Variants in CRYBG1 observed in about 807,000 individuals in gnomAD.
CRYBG1 encodes the protein beta/gamma crystallin domain-containing protein 1.
A neutral mutation model predicts 189.2 loss-of-function variants in CRYBG1; 139 were observed. That is an observed-to-expected ratio of 0.73 (90% CI 0.64 to 0.85). The LOEUF (loss-of-function observed/expected upper bound fraction) is 0.85. Ranked by LOEUF, CRYBG1 falls within the 40% of genes least tolerant of loss-of-function variation. The probability of loss-of-function intolerance (pLI) is 0.00; values close to 1 mark genes in which losing one functional copy is unlikely to be tolerated. For missense variants in CRYBG1, 2,611 were observed against 2,675.8 expected, an observed-to-expected ratio of 0.98 and a Z score of 0.53; for synonymous variants, 1,023 against 1,017.1, an observed-to-expected ratio of 1.01 and a Z score of -0.11.
At chr6:106,525,708 T>A (rs950272709) in intron 6 of CRYBG1, among the ~76,000 whole-genome samples, 1 of 152,170 alleles carries the variant, frequency 6.6e-6, no homozygotes, top group Non-Finnish European at 1.5e-5. Context: ...TGATGACCTT[T>A]AAATGAGGTT....
At chr6:106,568,374 C>T in intron 21 of CRYBG1, 98 bp from the exon 22 acceptor site, 2 of 953,764 alleles carry the variant, frequency 2.1e-6, no homozygotes, top group Non-Finnish European at 1.6e-6. Flanking sequence ...ACCTTGTTTA[C>T]TTGCTTACTT....
chr6:106,403,734 A>G (rs184742516), intron 1 of CRYBG1, among the ~76,000 whole-genome samples: 12 of 152,352 alleles, frequency 7.9e-5, no homozygotes, highest in Non-Finnish European at 1.3e-4. Context: ...GGTCAAAATC[A>G]GTATGACTCA....
At chr6:106,482,700 G>A (rs1287176904) in intron 2 of CRYBG1, among the ~76,000 whole-genome samples, 1 of 152,076 alleles carries the variant, frequency 6.6e-6, no homozygotes, top group Non-Finnish European at 1.5e-5. Flanking sequence ...GCATGAACCG[G>A]GGAGACAGAG....
At chr6:106,478,501 A>G (rs921056859) in intron 2 of CRYBG1, among the ~76,000 whole-genome samples, 2 of 152,380 alleles carry the variant, frequency 1.3e-5, no homozygotes, top group South Asian at 2.1e-4. Flanking sequence ...GACATTTGGC[A>G]GCACACAAAT....
intron 1 of CRYBG1, among the ~76,000 whole-genome samples, chr6:106,426,724 C>T (rs1224696046): frequency 6.6e-6 from 1 of 152,156 alleles, no homozygotes; most frequent in East Asian, 1.9e-4. Context: ...CAGCTGGCTC[C>T]TAAGAGGAGG....
chr6:106,492,526 A>G (rs1772747631), intron 2 of CRYBG1, among the ~76,000 whole-genome samples: 3 of 152,110 alleles, frequency 2.0e-5, no homozygotes, highest in South Asian at 4.2e-4. Flanking sequence ...GAGAGGAAGG[A>G]AAGAAGGAAG....
intron 8 of CRYBG1, 48 bp downstream of exon 8, chr6:106,530,363 T>G: frequency 1.3e-6 from 2 of 1,551,870 alleles, no homozygotes; most frequent in Non-Finnish European, 1.7e-6. Flanking sequence ...TTTTTGTGAG[T>G]GTAGTACTGG....
intron 2 of CRYBG1, among the ~76,000 whole-genome samples, chr6:106,456,967 G>A (rs1771900734): frequency 6.6e-6 from 1 of 152,114 alleles, no homozygotes; most frequent in Non-Finnish European, 1.5e-5. Flanking sequence ...AAGTCACCTA[G>A]GCTGCTAATC....
chr6:106,535,040 C>T (rs1206704977), intron 8 of CRYBG1, among the ~76,000 whole-genome samples: 1 of 152,118 alleles, frequency 6.6e-6, no homozygotes, highest in Non-Finnish European at 1.5e-5. Flanking sequence ...AATTGACAAA[C>T]ATTATTTGAT....
intron 2 of CRYBG1, among the ~76,000 whole-genome samples, chr6:106,499,093 A>ATT (rs149612077): frequency 6.2e-4 from 88 of 142,984 alleles, no homozygotes; most frequent in African/African-American, 2.1e-3. Context: ...TCAAATGTAA[A>ATT]TTTTTTTTGC....
chr6:106,439,654 T>C (rs1478077969), intron 1 of CRYBG1, among the ~76,000 whole-genome samples: 1 of 152,104 alleles, frequency 6.6e-6, no homozygotes, highest in Admixed American at 6.6e-5. Flanking sequence ...GAATGCTTTG[T>C]GGTTTAGTGA....
intron 21 of CRYBG1, among the ~76,000 whole-genome samples, chr6:106,564,384 C>G (rs1398510303): frequency 6.6e-6 from 1 of 152,224 alleles, no homozygotes; most frequent in Non-Finnish European, 1.5e-5. Context: ...TACACGTGAC[C>G]TTTCATTGAA....
At chr6:106,387,815 A>T (rs913036710) in intron 1 of CRYBG1, among the ~76,000 whole-genome samples, 4 of 152,222 alleles carry the variant, frequency 2.6e-5, no homozygotes, top group African/African-American at 4.8e-5. Context: ...ACTCAAAATT[A>T]TGAAGACCCA....
rs945487572 is a variant in CRYBG1 at position 106,467,749 on chromosome 6, C to T, written c.312+15917C>T. Among the ~76,000 whole-genome samples the T allele has an allele frequency of 2.0e-5, 3 of 151,874 alleles. No individual in the cohort carries two copies. In the East Asian group the frequency reaches 5.8e-4, roughly 29 times the overall value. On this transcript the variant is annotated intron_variant, in intron 2 of 21. Coordinates refer to ENST00000633556, the MANE Select transcript of CRYBG1 (RefSeq NM_001371242.2). ...GTAAATTAACATCAAAATTTATTTG[C>T]CAGCAAAATCTGACCTGAACTGATA...
intron 1 of CRYBG1, among the ~76,000 whole-genome samples, chr6:106,445,375 A>C (rs1282251517): frequency 2.6e-5 from 4 of 152,184 alleles, no homozygotes; most frequent in Non-Finnish European, 5.9e-5. Flanking sequence ...ACTTTGAACA[A>C]TGAATATCTC....
At position 106,438,607 on chromosome 6, in the gene CRYBG1, T is replaced by TAATCCATATGTGTTTGC. The variant is rs1241148355; in HGVS notation, c.174-13086_174-13070dup. ...TGTCTATAAGCAAATAGTAAATCCA[T>TAATCCATATGTGTTTGC]AATCCATATGTGTTTGCTTTCCCAT... On this transcript the variant is annotated intron_variant, in intron 1 of 21. Transcript: ENST00000633556. Among the ~76,000 whole-genome samples, 14 of 152,318 alleles carry TAATCCATATGTGTTTGC rather than the reference T, an allele frequency of 9.2e-5. No homozygotes were observed. The South Asian group carries it at 2.3e-3, about 25-fold the overall frequency.
At chr6:106,403,920 A>C (rs1306573723) in intron 1 of CRYBG1, among the ~76,000 whole-genome samples, 3 of 152,252 alleles carry the variant, frequency 2.0e-5, no homozygotes, top group Non-Finnish European at 2.9e-5. Context: ...TAGGAATTTG[A>C]GAAGGGGAAC....
chr6:106,504,643 G>A (rs1049627132), intron 2 of CRYBG1, among the ~76,000 whole-genome samples: 4 of 136,610 alleles, frequency 2.9e-5, no homozygotes, highest in African/African-American at 8.0e-5. Flanking sequence ...TGCTGTGCGT[G>A]TGTGTGTTTG....
In CRYBG1 at chr6:106,571,774, G is replaced by C; in HGVS notation, c.*3208G>C. The C allele has an allele frequency of 2.1e-6, 1 of 469,946 alleles. No individual in the cohort carries two copies. Among genetic ancestry groups the C allele is most frequent in the East Asian group, 3.8e-5 (1 of 26,502 alleles). 29.1% of individuals were successfully genotyped at this position (469,946 alleles called of 1,614,324 possible). A position where few individuals can be genotyped will look rare whatever the true frequency, so the allele number is the denominator to read the frequency against. On this transcript the variant is annotated 3_prime_UTR_variant, in exon 22 of 22. Transcript: ENST00000633556. ...CCTGCAAAGCCAGTGTGAAGGAACAGCTTGAAAAAACTTCGAATTTCTACT... is the reference window on the plus strand; with the variant it reads ...CCTGCAAAGCCAGTGTGAAGGAACACCTTGAAAAAACTTCGAATTTCTACT...
Sources: allele counts gnomAD v4.1 joint callset (sites outside exome capture counted in the v4.1 genomes callset), GRCh38; gene constraint gnomAD v4.1.1; transcripts MANE v1.5; gene names NCBI Gene and HGNC (gene_info 2026-07-23, HGNC 2026-07-21).